PEAK1: variants seen among roughly 807,000 people sequenced by gnomAD.
PEAK1 encodes the protein pseudopodium enriched atypical kinase 1, also known as inactive tyrosine-protein kinase PEAK1.
PEAK1 carries 54 observed loss-of-function variants against 124.7 expected under a neutral mutation model. The observed-to-expected ratio is 0.43, with a 90% CI of 0.35 to 0.54. The LOEUF is 0.54. PEAK1 is among the 20% of genes least tolerant of loss of function. PEAK1 has a pLI of 0.01. For missense variants in PEAK1, 2,046 were observed against 2,134.5 expected, an observed-to-expected ratio of 0.96 and a Z score of 0.82; for synonymous variants, 719 against 760.0, an observed-to-expected ratio of 0.95 and a Z score of 0.89.
rs1047389212 is a variant in PEAK1, at chr15:77,113,083, C to G, written c.*1073G>C. On this transcript the variant is annotated 3_prime_UTR_variant, in exon 10 of 10. Transcript: ENST00000682557. ...TCTCCCCTGCCTACGGCCATCCCAACAGCCCACCTCACTGTGCCCTCTAAA... is the reference window on the plus strand; with the variant it reads ...TCTCCCCTGCCTACGGCCATCCCAAGAGCCCACCTCACTGTGCCCTCTAAA... 1 of 152,402 alleles carries G rather than the reference C, an allele frequency of 6.6e-6. No homozygotes were observed. The highest frequency in any genetic ancestry group is 1.5e-5 in the Non-Finnish European group (1 of 68,152). The allele number at this position is 152,402 out of a possible 1,614,324, so 9.4% of individuals were successfully genotyped here. A position where few individuals can be genotyped will look rare whatever the true frequency, so the allele number is the denominator to read the frequency against.
At chr15:77,207,747 T>A (rs1479836900) in intron 6 of PEAK1, among the ~76,000 whole-genome samples, 1 of 152,204 alleles carries the variant, frequency 6.6e-6, no homozygotes, top group African/African-American at 2.4e-5. Context: ...GATACTATAA[T>A]GGTGGATACA....
intron 2 of PEAK1, among the ~76,000 whole-genome samples, chr15:77,288,234 A>G (rs1047222894): frequency 6.6e-6 from 1 of 151,574 alleles, no homozygotes; most frequent in Non-Finnish European, 1.5e-5. Flanking sequence ...GCTCATACCT[A>G]TCTCTTCAAC....
chr15:77,412,628 G>T (rs2072507015), intron 1 of PEAK1, among the ~76,000 whole-genome samples: 1 of 152,116 alleles, frequency 6.6e-6, no homozygotes, highest in Non-Finnish European at 1.5e-5. Flanking sequence ...ATACATACAT[G>T]CATTTCCTAG....
At chr15:77,310,079 T>C (rs1362029131) in intron 2 of PEAK1, among the ~76,000 whole-genome samples, 6 of 152,120 alleles carry the variant, frequency 3.9e-5, no homozygotes, top group Non-Finnish European at 8.8e-5. Context: ...AGGAAGACAA[T>C]CTCTTATGTA....
intron 2 of PEAK1, among the ~76,000 whole-genome samples, chr15:77,309,263 A>G (rs1257721880): frequency 3.3e-5 from 5 of 152,030 alleles, no homozygotes; most frequent in Admixed American, 6.6e-5. Context: ...ACCCCTGACA[A>G]ATTATGCTTA....
At chr15:77,234,445 G>A (rs1471157659) in intron 6 of PEAK1, among the ~76,000 whole-genome samples, 1 of 151,648 alleles carries the variant, frequency 6.6e-6, no homozygotes, top group African/African-American at 2.4e-5. Context: ...ACTTATTTAA[G>A]CAAATAATTT....
chr15:77,299,549 G>A (rs551622197), intron 2 of PEAK1, among the ~76,000 whole-genome samples: 37 of 152,192 alleles, frequency 2.4e-4, no homozygotes, highest in Admixed American at 8.5e-4. Context: ...ATTATGAGAT[G>A]TATTTAATCG....
At position 77,112,113 on chromosome 15, in the gene PEAK1, A is replaced by G. The variant is rs1445918016; in HGVS notation, c.*2043T>C. The G allele has an allele frequency of 2.0e-5, 3 of 152,236 alleles. No individual in the cohort carries two copies. The highest frequency in any genetic ancestry group is 7.2e-5 in the African/African-American group (3 of 41,460). 9.4% of individuals were successfully genotyped at this position (152,236 alleles called of 1,614,324 possible). ...ACTCCATGGCCATTCCTAGGAGCAGAGCCCTGCACTCTGGCTAGAGGAGGC... is the reference window on the plus strand; with the variant it reads ...ACTCCATGGCCATTCCTAGGAGCAGGGCCCTGCACTCTGGCTAGAGGAGGC... On this transcript the variant is annotated 3_prime_UTR_variant, in exon 10 of 10. Transcript: ENST00000682557.
intron 9 of PEAK1, among the ~76,000 whole-genome samples, chr15:77,126,060 C>T (rs1221829038): frequency 6.6e-6 from 1 of 152,124 alleles, no homozygotes; most frequent in Non-Finnish European, 1.5e-5. Flanking sequence ...TTTAATGATC[C>T]AAAATCTGAT....
intron 2 of PEAK1, among the ~76,000 whole-genome samples, chr15:77,363,065 G>T (rs149109171): frequency 2.6e-5 from 4 of 151,924 alleles, no homozygotes; most frequent in Admixed American, 6.6e-5. Context: ...CATGTTGGCC[G>T]GGCTGGTCTC....
chr15:77,153,012 T>A (rs1346185574), intron 8 of PEAK1, among the ~76,000 whole-genome samples: 3 of 152,160 alleles, frequency 2.0e-5, no homozygotes, highest in Admixed American at 6.5e-5. Flanking sequence ...ATAAAATGAG[T>A]TAGGGAGGAT....
At chr15:77,253,819 T>G (rs548740953) in intron 5 of PEAK1, among the ~76,000 whole-genome samples, 1 of 152,206 alleles carries the variant, frequency 6.6e-6, no homozygotes, top group East Asian at 1.9e-4. Context: ...CTCTTTATCT[T>G]TGAACTTTAT....
chr15:77,344,095 TG>T (rs1267871866), intron 2 of PEAK1, among the ~76,000 whole-genome samples: 1 of 152,194 alleles, frequency 6.6e-6, no homozygotes, highest in African/African-American at 2.4e-5. Context: ...CTTGGCTGTC[TG>T]TTTTTTTGTT....
intron 5 of PEAK1, among the ~76,000 whole-genome samples, chr15:77,276,287 A>G (rs186250582): frequency 1.2e-3 from 180 of 152,322 alleles, no homozygotes; most frequent in African/African-American, 4.2e-3. Flanking sequence ...AGGCCAAAAC[A>G]CATCAAAGTC....
intron 6 of PEAK1, 154 bp from the exon 7 acceptor site, chr15:77,182,194 C>T (rs1324467931): frequency 2.2e-6 from 1 of 447,736 alleles, no homozygotes; most frequent in Non-Finnish European, 2.9e-6. Context: ...TGTAATTTCC[C>T]TTTAGCCAAT....
chr15:77,127,764 A>C (rs2052507349), intron 9 of PEAK1, among the ~76,000 whole-genome samples: 1 of 152,150 alleles, frequency 6.6e-6, no homozygotes, highest in Non-Finnish European at 1.5e-5. Flanking sequence ...AGACTTGGAA[A>C]ATTTGCAGTC....
chr15:77,410,234 A>G (rs1442918071), intron 1 of PEAK1, among the ~76,000 whole-genome samples: 1 of 151,636 alleles, frequency 6.6e-6, no homozygotes, highest in African/African-American at 2.4e-5. Context: ...CAGCCTCCCA[A>G]GTGATTCTCC....
chr15:77,132,225 C>A (rs1018156339), intron 9 of PEAK1, among the ~76,000 whole-genome samples: 2 of 151,672 alleles, frequency 1.3e-5, no homozygotes, highest in African/African-American at 4.8e-5. Flanking sequence ...GGACTACAGG[C>A]ATGAGCCACT....
chr15:77,335,542 T>C lies in PEAK1; in HGVS notation c.-603+29621A>G, dbSNP rs528039672. ...TTGCCCAGGTTGGATCACAGTGACA[T>C]GATCATAGCTCACTGCAGCCATGAA... On this transcript the variant is annotated intron_variant, in intron 2 of 9. Transcript: ENST00000682557. 15 of 951,980 alleles carry C rather than the reference T, an allele frequency of 1.6e-5. No homozygotes were observed. In the East Asian group the frequency reaches 6.9e-4, roughly 44 times the overall value. 59.0% of individuals were successfully genotyped at this position (951,980 alleles called of 1,614,324 possible).
Sources: gnomAD v4.1 joint callset for allele counts (sites outside exome capture counted in the v4.1 genomes callset) on GRCh38, gnomAD v4.1.1 for gene constraint, MANE v1.5 for transcripts, NCBI Gene and HGNC (gene_info 2026-07-23, HGNC 2026-07-21) for gene names.